CAPSL: variants seen among roughly 807,000 people sequenced by gnomAD.
CAPSL encodes calcyphosin-like protein.
CAPSL carries 17 observed loss-of-function variants against 21.3 expected under a neutral mutation model. The observed-to-expected ratio is 0.80, with a 90% CI of 0.55 to 1.20. The LOEUF (loss-of-function observed/expected upper bound fraction) is 1.20. CAPSL is among the 50% of genes most tolerant of loss of function. The pLI, the probability that CAPSL is intolerant of heterozygous loss-of-function variation, is 0.00. For missense variants in CAPSL, 289 were observed against 259.3 expected (o/e 1.11, Z -0.79); for synonymous variants, 102 against 89.3 (o/e 1.14, Z -0.80).
chr5:35,918,375 G>A (rs191117945), intron 2 of CAPSL, among the ~76,000 whole-genome samples: 4 of 152,244 alleles, frequency 2.6e-5, no homozygotes, highest in East Asian at 1.9e-4. Context: ...ACTAAACATC[G>A]CATGATCTCA....
At chr5:35,934,361 C>T (rs564536596) in intron 1 of CAPSL, among the ~76,000 whole-genome samples, 8 of 152,298 alleles carry the variant, frequency 5.3e-5, no homozygotes, top group Non-Finnish European at 5.9e-5. Context: ...TATAAGCCTC[C>T]TCATCTTGAT....
intron 2 of CAPSL, among the ~76,000 whole-genome samples, chr5:35,913,605 C>T (rs1738291057): frequency 6.6e-6 from 1 of 152,128 alleles, no homozygotes; most frequent in African/African-American, 2.4e-5. Flanking sequence ...TCCAGCCAAA[C>T]TAAGCTTCAT....
At chr5:35,913,006 T>C (rs1260284567) in intron 2 of CAPSL, among the ~76,000 whole-genome samples, 1 of 151,186 alleles carries the variant, frequency 6.6e-6, no homozygotes, top group African/African-American at 2.4e-5. Flanking sequence ...TGCAGAGAAG[T>C]CCTTAAAGGA....
rs185077719 is a variant in CAPSL, at chr5:35,918,808, T to C, written c.137+2176A>G. On this transcript the variant is annotated intron_variant, in intron 2 of 4. Transcript: ENST00000651391. ...CTCTAGCAATAATGGGTTGAATGAA[T>C]TGGAGGACTGAAAACTTAGGAGCAA... Among the ~76,000 whole-genome samples, 43 of 152,218 alleles carry C rather than the reference T, an allele frequency of 2.8e-4. No individual in the cohort carries two copies. In the South Asian group the frequency reaches 3.9e-3, roughly 14 times the overall value.
intron 2 of CAPSL, among the ~76,000 whole-genome samples, chr5:35,919,961 G>T (rs774050462): frequency 6.6e-6 from 1 of 152,176 alleles, no homozygotes; most frequent in Non-Finnish European, 1.5e-5. Flanking sequence ...TAAGGACAAT[G>T]ATGTGGACCC....
Position 35,909,696 on chromosome 5 carries a change from G to C in CAPSL, c.525+170C>G, listed in dbSNP as rs1445004632. On this transcript the variant is annotated intron_variant, in intron 4 of 4. Coordinates refer to ENST00000651391, the MANE Select transcript of CAPSL (RefSeq NM_001042625.2). ...TAGGTTTCAACTAAAGTAACATGAA[G>C]GTTTCCCCTGGCAATGGAGAAGTTT... is the stretch of plus-strand genomic sequence containing the variant. The C allele has an allele frequency of 4.8e-6, 3 of 618,920 alleles. No homozygotes were observed. In the African/African-American group the frequency reaches 5.5e-5, roughly 11 times the overall value. The allele number at this position is 618,920 out of a possible 1,614,324, so 38.3% of individuals were successfully genotyped here. A position where few individuals can be genotyped will look rare whatever the true frequency, so the allele number is the denominator to read the frequency against.
chr5:35,908,167 C>T (rs1738081805), intron 4 of CAPSL, among the ~76,000 whole-genome samples: 1 of 152,142 alleles, frequency 6.6e-6, no homozygotes, highest in African/African-American at 2.4e-5. Context: ...ATCACAAATA[C>T]ACGTGAGTGT....
At chr5:35,909,780 G>A (rs561591889) in intron 4 of CAPSL, 86 bp downstream of exon 4, 1 of 1,103,434 alleles carries the variant, frequency 9.1e-7, no homozygotes, top group South Asian at 1.5e-5. Flanking sequence ...GTATCAATGT[G>A]TTAACATTTT....
intron 4 of CAPSL, among the ~76,000 whole-genome samples, chr5:35,908,821 A>G (rs1580878629): frequency 6.6e-6 from 1 of 152,210 alleles, no homozygotes; most frequent in Admixed American, 6.5e-5. Flanking sequence ...TCACCTTCCT[A>G]TCCCCCACCC....
intron 1 of CAPSL, among the ~76,000 whole-genome samples, chr5:35,930,697 C>T (rs938512490): frequency 2.0e-5 from 3 of 152,216 alleles, no homozygotes; most frequent in Admixed American, 2.0e-4. Context: ...GCTTCCAACC[C>T]TTGGAAGTTT....
At chr5:35,923,317 T>A (rs1363950342) in intron 1 of CAPSL, among the ~76,000 whole-genome samples, 1 of 152,180 alleles carries the variant, frequency 6.6e-6, no homozygotes, top group Non-Finnish European at 1.5e-5. Flanking sequence ...AGTGGGACCC[T>A]CTTTGCACAC....
intron 2 of CAPSL, among the ~76,000 whole-genome samples, chr5:35,917,260 T>C (rs990779861): frequency 9.9e-5 from 15 of 152,198 alleles, no homozygotes; most frequent in African/African-American, 3.6e-4. Context: ...ACTTTTACAC[T>C]GTTGGTGGGA....
At chr5:35,910,129 T>A (rs1580879940) in intron 3 of CAPSL, 54 bp from the exon 4 acceptor site, 2 of 1,422,162 alleles carry the variant, frequency 1.4e-6, no homozygotes, top group East Asian at 4.6e-5. Context: ...TGAGCTTTTT[T>A]GGTATCCTAT....
chr5:35,933,440 C>T (rs1198243455), intron 1 of CAPSL, among the ~76,000 whole-genome samples: 9 of 152,170 alleles, frequency 5.9e-5, no homozygotes, highest in Admixed American at 5.9e-4. Flanking sequence ...TGAGCAGGGC[C>T]TGTTGCATCT....
chr5:35,931,474 G>A (rs1738822941), intron 1 of CAPSL, among the ~76,000 whole-genome samples: 1 of 151,670 alleles, frequency 6.6e-6, no homozygotes, highest in Admixed American at 6.6e-5. Context: ...AAATACAGAG[G>A]CCCCAAGGTT....
chr5:35,907,856 A>C (rs1760713881), intron 4 of CAPSL, among the ~76,000 whole-genome samples: 1 of 152,222 alleles, frequency 6.6e-6, no homozygotes, highest in South Asian at 2.1e-4. Flanking sequence ...GCAAGAGGTA[A>C]ATTTTAGAAG....
At chr5:35,918,698 A>G (rs1196991701) in intron 2 of CAPSL, among the ~76,000 whole-genome samples, 1 of 152,228 alleles carries the variant, frequency 6.6e-6, no homozygotes, top group Non-Finnish European at 1.5e-5. Flanking sequence ...TTTATTAGCA[A>G]GTCATTTTTA....
Position 35,908,363 on chromosome 5 carries a change from A to G in CAPSL, c.525+1503T>C, listed in dbSNP as rs148971652. 9.2e-4 allele frequency among the ~76,000 whole-genome samples: 140 copies of G among 152,360 alleles called. 1 individual carries two copies. The highest frequency in any genetic ancestry group is 2.3e-3 in the Admixed American group (35 of 15,306). ...TAACATGCAGATGACATCAAGTGCT[A>G]TAACTGCTAAAAACCTCAATAACCT... On this transcript the variant is annotated intron_variant, in intron 4 of 4. Transcript: ENST00000651391.
In CAPSL at chr5:35,909,884, G is replaced by A. The variant is rs751335736; in HGVS notation, c.507C>T (p.Pro169=). The A allele has an allele frequency of 6.2e-7, 1 of 1,612,556 alleles. No homozygotes were observed. Residue 169 remains proline, a synonymous_variant, in exon 4 of 5, where the codon CCC becomes CCT. Transcript: ENST00000651391. ...TACTTACCAATCCATCTTTGTCATA[G>A]GGTGAATCAAAGTTATCCAGAAATT... ...FRKFLDNFDS[P]YDKDGLVTPE...
Sources: gnomAD v4.1 joint callset for allele counts (sites outside exome capture counted in the v4.1 genomes callset) on GRCh38, gnomAD v4.1.1 for gene constraint, MANE v1.5 for transcripts, NCBI Gene and HGNC (gene_info 2026-07-23, HGNC 2026-07-21) for gene names.